Variants in IQCM observed in about 807,000 individuals in gnomAD.
IQCM encodes the protein IQ motif containing M.
A neutral mutation model predicts 57.6 loss-of-function variants in IQCM; 45 were observed. The ratio of observed to expected loss-of-function variants is 0.78; its 90% CI spans 0.62 to 1.00. The LOEUF (loss-of-function observed/expected upper bound fraction) is 1.00. Among genes scored for constraint, IQCM ranks in the 50% least tolerant of loss-of-function variants. IQCM has a pLI of 0.00. For missense variants in IQCM, 468 were observed against 511.6 expected, an observed-to-expected ratio of 0.91 and a Z score of 0.82; for synonymous variants, 148 against 158.9, an observed-to-expected ratio of 0.93 and a Z score of 0.51.
At chr4:149,492,267 C>G (rs1330312560) in intron 12 of IQCM, among the ~76,000 whole-genome samples, 1 of 151,944 alleles carries the variant, frequency 6.6e-6, no homozygotes, top group Non-Finnish European at 1.5e-5. Flanking sequence ...TTATTCATAT[C>G]AGGAAAGGTA....
chr4:149,758,389 A>C (rs2359702), intron 2 of IQCM, among the ~76,000 whole-genome samples: 1 of 152,324 alleles, frequency 6.6e-6, no homozygotes, highest in Non-Finnish European at 1.5e-5. Context: ...AGAAGACAAC[A>C]GGAGAAAAAT....
At chr4:149,403,368 A>G (rs933783466) in intron 13 of IQCM, among the ~76,000 whole-genome samples, 2 of 152,046 alleles carry the variant, frequency 1.3e-5, no homozygotes, top group African/African-American at 4.8e-5. Context: ...ACATTTTTCA[A>G]AACAGTAAAT....
intron 8 of IQCM, among the ~76,000 whole-genome samples, chr4:149,593,997 T>TG (rs1753497765): frequency 6.6e-6 from 1 of 152,294 alleles, no homozygotes; most frequent in South Asian, 2.1e-4. Flanking sequence ...GGATTCCCTC[T>TG]TTTTCTATTG....
At chr4:149,665,642 C>T (rs1283201258) in intron 7 of IQCM, among the ~76,000 whole-genome samples, 1 of 152,136 alleles carries the variant, frequency 6.6e-6, no homozygotes, top group Non-Finnish European at 1.5e-5. Flanking sequence ...TGCCTACGAG[C>T]TCATTTTAGA....
chr4:149,714,626 T>C, intron 5 of IQCM, among the ~76,000 whole-genome samples: 1 of 152,150 alleles, frequency 6.6e-6, no homozygotes, highest in East Asian at 1.9e-4. Context: ...TTCCTATACA[T>C]ACATACATAC....
chr4:149,420,531 C>T (rs541467342), intron 13 of IQCM, among the ~76,000 whole-genome samples: 2 of 151,972 alleles, frequency 1.3e-5, no homozygotes, highest in Admixed American at 6.6e-5. Flanking sequence ...GTATGCTGGG[C>T]TTAATACCTA....
chr4:149,685,947 C>T (rs1051551895), intron 6 of IQCM, among the ~76,000 whole-genome samples: 1 of 151,516 alleles, frequency 6.6e-6, no homozygotes, highest in African/African-American at 2.4e-5. Context: ...AAACTATGTT[C>T]TGTAGAACCA....
At chr4:149,729,590 T>G (rs1766275126) in intron 5 of IQCM, among the ~76,000 whole-genome samples, 1 of 152,086 alleles carries the variant, frequency 6.6e-6, no homozygotes, top group Non-Finnish European at 1.5e-5. Flanking sequence ...TTCTCCTGCC[T>G]CAGCCTCCCA....
At chr4:149,558,622 T>C (rs747091637) in intron 10 of IQCM, among the ~76,000 whole-genome samples, 1 of 152,120 alleles carries the variant, frequency 6.6e-6, no homozygotes, top group Non-Finnish European at 1.5e-5. Flanking sequence ...AGAGAGTTAT[T>C]TTCTACAGGT....
At chr4:149,589,717 A>G (rs866142795) in intron 8 of IQCM, among the ~76,000 whole-genome samples, 11 of 152,030 alleles carry the variant, frequency 7.2e-5, no homozygotes, top group East Asian at 3.9e-4. Flanking sequence ...TTACATTTAG[A>G]ATTCCCTGAT....
chr4:149,492,853 C>T (rs1484947695), intron 12 of IQCM, among the ~76,000 whole-genome samples: 3 of 152,070 alleles, frequency 2.0e-5, no homozygotes, highest in South Asian at 4.1e-4. Context: ...AGACTGAAAA[C>T]AGGTATAAAA....
At chr4:149,627,926 A>C (rs1348280787) in intron 7 of IQCM, among the ~76,000 whole-genome samples, 2 of 152,142 alleles carry the variant, frequency 1.3e-5, no homozygotes, top group Non-Finnish European at 2.9e-5. Context: ...GAGTGATGTG[A>C]AAAAGGGCTC....
chr4:149,394,622 T>A (rs1040916596), intron 13 of IQCM, among the ~76,000 whole-genome samples: 4 of 151,840 alleles, frequency 2.6e-5, no homozygotes, highest in Non-Finnish European at 5.9e-5. Context: ...TGAGGATCAG[T>A]CTCTATGGCC....
intron 12 of IQCM, among the ~76,000 whole-genome samples, chr4:149,439,007 T>A (rs1735646597): frequency 6.6e-6 from 1 of 152,094 alleles, no homozygotes; most frequent in African/African-American, 2.4e-5. Context: ...TTTAAAAATG[T>A]TAAATTATAG....
At chr4:149,542,646 ACATT>A (rs1450850792) in intron 12 of IQCM, among the ~76,000 whole-genome samples, 2 of 152,132 alleles carry the variant, frequency 1.3e-5, no homozygotes, top group African/African-American at 4.8e-5. Context: ...CCAACTGATG[ACATT>A]CAGTATAAAA....
At chr4:149,467,741 A>G (rs889707138) in intron 12 of IQCM, among the ~76,000 whole-genome samples, 6 of 152,190 alleles carry the variant, frequency 3.9e-5, no homozygotes, top group African/African-American at 1.4e-4. Context: ...TGTGGGTTTT[A>G]GTAGAGCAAT....
intron 7 of IQCM, among the ~76,000 whole-genome samples, chr4:149,668,922 G>A (rs986679530): frequency 4.6e-5 from 7 of 152,132 alleles, no homozygotes; most frequent in African/African-American, 1.7e-4. Context: ...GAGAGAGATA[G>A]AGAGCAAGTA....
intron 5 of IQCM, among the ~76,000 whole-genome samples, chr4:149,724,671 A>G (rs947805333): frequency 1.3e-5 from 2 of 152,056 alleles, no homozygotes; most frequent in East Asian, 1.9e-4. Flanking sequence ...ATATATGTGC[A>G]TGACATGGAT....
intron 2 of IQCM, among the ~76,000 whole-genome samples, chr4:149,805,736 A>T (rs1774018995): frequency 6.6e-6 from 1 of 152,034 alleles, no homozygotes. Context: ...TATCAATGTC[A>T]TCAGTTGCTT....
Sources: allele counts gnomAD v4.1 joint callset (sites outside exome capture counted in the v4.1 genomes callset), GRCh38; gene constraint gnomAD v4.1.1; transcripts MANE v1.5; gene names NCBI Gene and HGNC (gene_info 2026-07-23, HGNC 2026-07-21).